The following TPO variants were observed in gnomAD, a reference collection of about 807,000 sequenced individuals.
TPO encodes the protein thyroid peroxidase.
Under a neutral mutation model 96.9 loss-of-function variants are expected in TPO, and 78 were observed. The observed-to-expected ratio is 0.81, with a 90% CI of 0.67 to 0.97. The LOEUF (loss-of-function observed/expected upper bound fraction) is 0.97, where lower values mean the gene tolerates loss of function less well. Among genes scored for constraint, TPO ranks in the 50% least tolerant of loss-of-function variants. The pLI is 0.00. For synonymous variants in TPO, 547 were observed against 538.0 expected (o/e 1.02, Z -0.23); for missense variants, 1,252 against 1,274.8 (o/e 0.98, Z 0.27).
intron 8 of TPO, chr2:1,478,071 T>C (rs879243328): frequency 1.0e-6 from 1 of 985,350 alleles, no homozygotes; most frequent in Non-Finnish European, 1.2e-6. Flanking sequence ...TGTTTTTGTA[T>C]TTCAGAGACA....
intron 14 of TPO, among the ~76,000 whole-genome samples, chr2:1,507,284 T>C (rs1264979674): frequency 1.3e-5 from 2 of 152,230 alleles, no homozygotes; most frequent in East Asian, 3.8e-4. Flanking sequence ...TTGGTTACTG[T>C]AGCCTTGTAG....
chr2:1,392,673 C>T (rs543856856), intron 1 of TPO, among the ~76,000 whole-genome samples: 2 of 152,272 alleles, frequency 1.3e-5, no homozygotes, highest in South Asian at 2.1e-4. Flanking sequence ...AATTTCAGAG[C>T]CTGTTATTGG....
chr2:1,452,448 A>C (rs1199240497), intron 5 of TPO, among the ~76,000 whole-genome samples: 1 of 152,208 alleles, frequency 6.6e-6, no homozygotes, highest in African/African-American at 2.4e-5. Flanking sequence ...TCTCCTCAAA[A>C]GTATTCCACT....
At chr2:1,456,659 AGCATG>A (rs1667826439) in intron 7 of TPO, among the ~76,000 whole-genome samples, 1 of 139,626 alleles carries the variant, frequency 7.2e-6, no homozygotes, top group East Asian at 2.3e-4. Flanking sequence ...ACATATATAT[AGCATG>A]TATGATAGTG....
At position 1,458,211 on chromosome 2, in the gene TPO, A is replaced by T. The variant is rs936213107; in HGVS notation, c.819+1929A>T. On this transcript the variant is annotated intron_variant, in intron 7 of 16. Coordinates refer to ENST00000329066, the MANE Select transcript of TPO (RefSeq NM_001206744.2). Reference sequence around the variant, plus strand: ...GTGTGTGGGCACATATGTATATGGCATATAAGATACTGTGTGGGCACATGT... The same window carrying T: ...GTGTGTGGGCACATATGTATATGGCTTATAAGATACTGTGTGGGCACATGT... 2.9e-4 allele frequency among the ~76,000 whole-genome samples: 44 copies of T among 151,966 alleles called. 1 individual carries two copies. Among genetic ancestry groups the T allele is most frequent in the African/African-American group, 1.0e-3 (43 of 41,332 alleles).
At chr2:1,475,828 G>A (rs1157959955) in intron 7 of TPO, among the ~76,000 whole-genome samples, 4 of 152,192 alleles carry the variant, frequency 2.6e-5, no homozygotes, top group African/African-American at 9.7e-5. Context: ...GGGCCTCGTT[G>A]CTGCCCCGAC....
rs187434240 is a variant in TPO, at chr2:1,515,855, A to G, written c.2519-1028A>G. ...CTCTTAGCCCCAGAGCCTATCTTCA[A>G]CCACACGTGATGATGTTTATCCAGG... On this transcript the variant is annotated intron_variant, in intron 14 of 16. Coordinates refer to ENST00000329066, the MANE Select transcript of TPO (RefSeq NM_001206744.2). 6.6e-5 allele frequency among the ~76,000 whole-genome samples: 10 copies of G among 152,246 alleles called. No homozygotes were observed. The East Asian group carries it at 1.9e-3, about 29-fold the overall frequency.
Position 1,453,469 on chromosome 2 carries a change from G to A in TPO, c.483-225G>A, listed in dbSNP as rs148805562. 9.9e-5 allele frequency among the ~76,000 whole-genome samples: 15 copies of A among 152,224 alleles called. No individual in the cohort carries two copies. In the East Asian group the frequency reaches 1.6e-3, roughly 16 times the overall value. The stretch of plus-strand genomic sequence containing the variant: ...CCTCCAGACAGCATGTGCTGAGCTC[G>A]GGAGAGGGTGCCTGTGGGAACCAAG... On this transcript the variant is annotated intron_variant, in intron 5 of 16. Coordinates refer to ENST00000329066, the MANE Select transcript of TPO (RefSeq NM_001206744.2).
At chr2:1,429,902 A>G (rs1417763160) in intron 3 of TPO, among the ~76,000 whole-genome samples, 1 of 152,258 alleles carries the variant, frequency 6.6e-6, no homozygotes, top group Non-Finnish European at 1.5e-5. Flanking sequence ...TATATTTAAA[A>G]GGGAAGCAGA....
rs28910583 is a variant in TPO, at chr2:1,471,805, TG to T, written c.820-5278del. Among the ~76,000 whole-genome samples the T allele has an allele frequency of 3.5e-3, 538 of 152,242 alleles. 6 individuals are homozygous for T. The highest frequency in any genetic ancestry group is 0.012 in the African/African-American group (519 of 41,558). Reference sequence around the variant, plus strand: ...GCATAGTGGGCTCAAAGGGATTCACTGGGCACCCCGTTTTAATCAGCATGCC... The same window carrying T: ...GCATAGTGGGCTCAAAGGGATTCACTGGCACCCCGTTTTAATCAGCATGCC... On this transcript the variant is annotated intron_variant, in intron 7 of 16. Coordinates refer to ENST00000329066, the MANE Select transcript of TPO (RefSeq NM_001206744.2).
intron 13 of TPO, among the ~76,000 whole-genome samples, chr2:1,503,526 C>T (rs1231744202): frequency 6.6e-6 from 1 of 152,176 alleles, no homozygotes; most frequent in Admixed American, 6.5e-5. Flanking sequence ...GCAGGTGGCC[C>T]CAGTCCTTGC....
At chr2:1,496,387 C>G (rs1053843909) in intron 12 of TPO, among the ~76,000 whole-genome samples, 190 bp downstream of exon 12, 4 of 152,090 alleles carry the variant, frequency 2.6e-5, no homozygotes, top group Admixed American at 6.5e-5. Context: ...GAGAAAGGAA[C>G]TGGAGGCCTA....
chr2:1,377,201 C>T (rs775340796), intron 1 of TPO, among the ~76,000 whole-genome samples: 3 of 152,200 alleles, frequency 2.0e-5, no homozygotes, highest in Non-Finnish European at 4.4e-5. Context: ...TTCGGGTAAA[C>T]CAGTCTTCCT....
chr2:1,486,846 C>T (rs1385436627), intron 9 of TPO, among the ~76,000 whole-genome samples: 1 of 152,140 alleles, frequency 6.6e-6, no homozygotes, highest in African/African-American at 2.4e-5. Flanking sequence ...GCGATACCTG[C>T]TTAGATGAGA....
chr2:1,494,049 T>C lies in TPO; in HGVS notation c.2006+10T>C, dbSNP rs752387615. ...TGCGGGACGGTGACTGGTACGTTCCTATCCAGAGCGTCTTCCTTCACGTTC... is the reference window on the plus strand; with the variant it reads ...TGCGGGACGGTGACTGGTACGTTCCCATCCAGAGCGTCTTCCTTCACGTTC... On this transcript the variant is annotated intron_variant, in intron 11 of 16. Coordinates refer to ENST00000329066, the MANE Select transcript of TPO (RefSeq NM_001206744.2). The C allele has an allele frequency of 1.9e-6, 3 of 1,612,566 alleles. No individual in the cohort carries two copies. In the East Asian group the frequency reaches 6.7e-5, roughly 36 times the overall value.
chr2:1,440,736 T>G (rs1666089693), intron 5 of TPO, among the ~76,000 whole-genome samples: 1 of 152,102 alleles, frequency 6.6e-6, no homozygotes, highest in Non-Finnish European at 1.5e-5. Flanking sequence ...TCTTCCTGTT[T>G]GTATGATCTA....
chr2:1,503,982 CT>C lies in TPO; in HGVS notation c.2422del (p.Cys808AlafsTer24), dbSNP rs763662774. ...AGTGTGCAGACGGTGCCCACCCCCC[CT>C]GCCACGCCTCTGCGAGGTGCAGAAA... ...NECADGAHPPCHASARCRNTK... is the reference protein window; with the variant it reads ...NECADGAHPPXHASARCRNTK... On this transcript the variant is annotated frameshift_variant, in exon 14 of 17. Coordinates refer to ENST00000329066, the MANE Select transcript of TPO (RefSeq NM_001206744.2). LOFTEE classifies it high-confidence loss of function. 188 of 1,614,194 alleles carry C rather than the reference CT, an allele frequency of 1.2e-4. No individual in the cohort carries two copies. The highest frequency in any genetic ancestry group is 2.3e-4 in the South Asian group (21 of 91,088).
chr2:1,530,010 CTGTG>C (rs1178169658), intron 15 of TPO, among the ~76,000 whole-genome samples: 1 of 143,638 alleles, frequency 7.0e-6, no homozygotes, highest in African/African-American at 2.7e-5. Flanking sequence ...AATCACGACA[CTGTG>C]TGCAACCTCC....
At position 1,402,839 on chromosome 2, in the gene TPO, G is replaced by A. The variant is rs185545173; in HGVS notation, n.180+28437G>A. 2.2e-4 allele frequency among the ~76,000 whole-genome samples: 34 copies of A among 152,074 alleles called. 1 individual carries two copies. Among genetic ancestry groups the A allele is most frequent in the Non-Finnish European group, 1.9e-4 (13 of 68,012 alleles). On this transcript the variant is annotated intron_variant and non_coding_transcript_variant, in intron 1 of 5. Coordinates refer to the TPO transcript ENST00000497517. Reference sequence around the variant, plus strand: ...GATGAGATTGAGGGGGGACACATCCGAACCATATCACCCCATATTTTGTAC... The same window carrying A: ...GATGAGATTGAGGGGGGACACATCCAAACCATATCACCCCATATTTTGTAC...
Sources: gnomAD v4.1 joint callset for allele counts (sites outside exome capture counted in the v4.1 genomes callset) on GRCh38, gnomAD v4.1.1 for gene constraint, MANE v1.5 for transcripts, NCBI Gene and HGNC (gene_info 2026-07-23, HGNC 2026-07-21) for gene names.